HSD17B11: variants seen among roughly 807,000 people sequenced by gnomAD.
HSD17B11 encodes estradiol 17-beta-dehydrogenase 11.
In HSD17B11, 22 loss-of-function variants were observed where a neutral mutation model predicts 27.8. The ratio of observed to expected loss-of-function variants is 0.79; its 90% CI spans 0.56 to 1.13. The LOEUF (loss-of-function observed/expected upper bound fraction) is 1.13. Among genes scored for constraint, HSD17B11 ranks in the 50% most tolerant of loss-of-function variants. The pLI is 0.00. For synonymous variants in HSD17B11, 117 were observed against 132.8 expected, an observed-to-expected ratio of 0.88 and a Z score of 0.82; for missense variants, 314 against 351.1, an observed-to-expected ratio of 0.89 and a Z score of 0.84.
At chr4:87,369,836 G>A (rs1385478979) in intron 4 of HSD17B11, among the ~76,000 whole-genome samples, 1 of 152,070 alleles carries the variant, frequency 6.6e-6, no homozygotes, top group African/African-American at 2.4e-5. Context: ...TTATAAATTG[G>A]CTATTTGGGT....
In HSD17B11 at chr4:87,367,682, T is replaced by C. The variant is rs138555585; in HGVS notation, c.557+5027A>G. On this transcript the variant is annotated intron_variant, in intron 4 of 6. Coordinates refer to ENST00000358290, the MANE Select transcript of HSD17B11 (RefSeq NM_016245.5). ...ACTTGTTATTAAATTCTAGTCTCAG[T>C]TGTTTTTAAGTTTGTTTCTGCAATT... Among the ~76,000 whole-genome samples the C allele has an allele frequency of 2.9e-3, 444 of 152,332 alleles. 4 individuals are homozygous for C. The highest frequency in any genetic ancestry group is 0.014 in the Middle Eastern group (4 of 294).
At chr4:87,340,987 C>T (rs1461271345) in intron 5 of HSD17B11, among the ~76,000 whole-genome samples, 1 of 151,946 alleles carries the variant, frequency 6.6e-6, no homozygotes, top group Admixed American at 6.6e-5. Context: ...TAAGCAGTCT[C>T]GGGAAAAAAA....
chr4:87,361,894 CACG>C (rs758330680), intron 4 of HSD17B11, among the ~76,000 whole-genome samples: 1 of 152,168 alleles, frequency 6.6e-6, no homozygotes, highest in Non-Finnish European at 1.5e-5. Flanking sequence ...TTCTGGCAAC[CACG>C]AAGGGACTAA....
At chr4:87,342,019 G>A (rs921936535) in intron 5 of HSD17B11, among the ~76,000 whole-genome samples, 1 of 152,116 alleles carries the variant, frequency 6.6e-6, no homozygotes, top group African/African-American at 2.4e-5. Context: ...CATGAAATTT[G>A]CCATGCCACT....
intron 2 of HSD17B11, among the ~76,000 whole-genome samples, chr4:87,378,917 TAAATATATATAAATATATATATATATATA>T (rs1720038735): frequency 6.4e-4 from 9 of 14,028 alleles, no homozygotes; most frequent in African/African-American, 1.9e-3. Context: ...TATATATATA[TAAATATATATAAATATATATATATATATA>T]TTTATATATA....
chr4:87,385,432 TG>T (rs1249483261), intron 1 of HSD17B11, among the ~76,000 whole-genome samples: 1 of 151,860 alleles, frequency 6.6e-6, no homozygotes, highest in Non-Finnish European at 1.5e-5. Flanking sequence ...GAGAGAGGGC[TG>T]GGGAGATATA....
chr4:87,388,630 C>G (rs1720378606), intron 1 of HSD17B11, among the ~76,000 whole-genome samples: 1 of 152,198 alleles, frequency 6.6e-6, no homozygotes, highest in Non-Finnish European at 1.5e-5. Context: ...TCTACTTTCA[C>G]CTTTTATTTT....
At chr4:87,368,966 C>T (rs1396662299) in intron 4 of HSD17B11, among the ~76,000 whole-genome samples, 1 of 152,132 alleles carries the variant, frequency 6.6e-6, no homozygotes, top group Non-Finnish European at 1.5e-5. Flanking sequence ...ATGGAGTAGC[C>T]ATTCTTTTAT....
Position 87,357,409 on chromosome 4 carries a change from T to G in HSD17B11, c.565A>C (p.Lys189Gln). The change falls in exon 5 of 7, where the codon AAG becomes CAG. Residue 189 changes from lysine to glutamine, a missense_variant. Transcript: ENST00000358290. The part of the protein sequence containing the change: ...VPFLLAYCSS[K>Q]FAAVGFHKTL... ...TTATGAAATCCAACAGCAGCAAACT[T>G]GCTTGAACTGAAAATAGAGAGTTTA... 2 of 1,607,104 alleles carry G rather than the reference T, an allele frequency of 1.2e-6. 1 individual carries two copies. Among genetic ancestry groups the G allele is most frequent in the South Asian group, 2.2e-5 (2 of 89,354 alleles).
intron 4 of HSD17B11, among the ~76,000 whole-genome samples, chr4:87,370,140 G>A (rs1397804541): frequency 6.6e-6 from 1 of 152,168 alleles, no homozygotes; most frequent in Non-Finnish European, 1.5e-5. Flanking sequence ...GAATTACAGG[G>A]AAAAGGATCA....
intron 2 of HSD17B11, among the ~76,000 whole-genome samples, chr4:87,379,696 ATAC>A (rs1433135802): frequency 1.4e-5 from 2 of 144,916 alleles, no homozygotes; most frequent in Admixed American, 7.1e-5. Context: ...TTAGTATACT[ATAC>A]TATTATATTA....
At chr4:87,359,480 G>C (rs1208129953) in intron 4 of HSD17B11, among the ~76,000 whole-genome samples, 1 of 152,112 alleles carries the variant, frequency 6.6e-6, no homozygotes, top group East Asian at 1.9e-4. Context: ...TATCACCTCA[G>C]CCTCCCAAGT....
At chr4:87,368,077 G>A (rs796409045) in intron 4 of HSD17B11, among the ~76,000 whole-genome samples, 22 of 152,240 alleles carry the variant, frequency 1.4e-4, no homozygotes, top group African/African-American at 5.3e-4. Flanking sequence ...CAGCACTTTG[G>A]GGGGCCGAGG....
intron 1 of HSD17B11, among the ~76,000 whole-genome samples, chr4:87,388,948 GTT>G (rs1209874156): frequency 6.6e-6 from 1 of 152,200 alleles, no homozygotes; most frequent in African/African-American, 2.4e-5. Context: ...ACTGCAGTGT[GTT>G]TACCTTATAC....
chr4:87,361,971 T>C (rs1286827081), intron 4 of HSD17B11, among the ~76,000 whole-genome samples: 1 of 152,176 alleles, frequency 6.6e-6, no homozygotes, highest in African/African-American at 2.4e-5. Flanking sequence ...AACATATTTC[T>C]GGCAGACCAT....
rs1720014474 is a variant in HSD17B11 at position 87,378,871 on chromosome 4, T to TATATATATGA, written c.318+3383_318+3384insTCATATATAT. Among the ~76,000 whole-genome samples the TATATATATGA allele has an allele frequency of 7.6e-5, 2 of 26,238 alleles. 1 individual carries two copies. Among genetic ancestry groups the TATATATATGA allele is most frequent in the Non-Finnish European group, 1.2e-4 (2 of 17,244 alleles). The allele number at this position is 26,238 out of a possible 152,430, so 17.2% of individuals were successfully genotyped here. A position where few individuals can be genotyped will look rare whatever the true frequency, so the allele number is the denominator to read the frequency against. Reference sequence around the variant, plus strand: ...ATATATATATAAATATATATAAATATATATATATAAATATATATATATAAA... The same window carrying TATATATATGA: ...ATATATATATAAATATATATAAATATATATATATGAATATATATAAATATATATATATAAA... On this transcript the variant is annotated intron_variant, in intron 2 of 6. Coordinates refer to ENST00000358290, the MANE Select transcript of HSD17B11 (RefSeq NM_016245.5).
chr4:87,361,043 T>G (rs1178336861), intron 4 of HSD17B11, among the ~76,000 whole-genome samples: 2 of 152,178 alleles, frequency 1.3e-5, no homozygotes, highest in African/African-American at 4.8e-5. Flanking sequence ...CCACAGCAAC[T>G]CCATCTTAAA....
At chr4:87,340,335 C>T (rs1056520318) in intron 6 of HSD17B11, 155 bp downstream of exon 6, 1 of 465,490 alleles carries the variant, frequency 2.1e-6, no homozygotes, top group Admixed American at 3.8e-5. Context: ...AGAGCTGTAT[C>T]AATCTTGCCT....
intron 5 of HSD17B11, among the ~76,000 whole-genome samples, chr4:87,342,909 G>C (rs1383719205): frequency 1.3e-5 from 2 of 152,210 alleles, no homozygotes; most frequent in African/African-American, 4.8e-5. Flanking sequence ...AGCATAAACA[G>C]GCAGGGGTAT....
Sources: allele counts gnomAD v4.1 joint callset (sites outside exome capture counted in the v4.1 genomes callset), GRCh38; gene constraint gnomAD v4.1.1; transcripts MANE v1.5; gene names NCBI Gene and HGNC (gene_info 2026-07-23, HGNC 2026-07-21).